The following CAMSAP1 variants were observed in gnomAD, a reference collection of about 807,000 sequenced individuals.
The protein encoded by CAMSAP1 is calmodulin regulated spectrin associated protein 1, also known as calmodulin-regulated spectrin-associated protein 1.
A neutral mutation model predicts 143.5 loss-of-function variants in CAMSAP1; 58 were observed. The observed-to-expected ratio is 0.40, with a 90% CI of 0.33 to 0.50. The LOEUF is 0.50. Among genes scored for constraint, CAMSAP1 ranks in the 20% least tolerant of loss-of-function variants. The pLI, the probability that CAMSAP1 is intolerant of heterozygous loss-of-function variation, is 0.45. For missense variants in CAMSAP1, 1,969 were observed against 2,115.7 expected (o/e 0.93, Z 1.36); for synonymous variants, 945 against 859.3 (o/e 1.10, Z -1.74).
At chr9:135,876,536 G>A (rs1476323113) in intron 3 of CAMSAP1, among the ~76,000 whole-genome samples, 1 of 152,168 alleles carries the variant, frequency 6.6e-6, no homozygotes, top group Non-Finnish European at 1.5e-5. Flanking sequence ...AGAAAAGACG[G>A]ACTGTAACAA....
At chr9:135,825,664 G>A (rs980003519) in intron 8 of CAMSAP1, among the ~76,000 whole-genome samples, 5 of 152,328 alleles carry the variant, frequency 3.3e-5, no homozygotes, top group East Asian at 3.9e-4. Context: ...CCAGCTCCCC[G>A]AGAAACAAGC....
intron 7 of CAMSAP1, among the ~76,000 whole-genome samples, chr9:135,835,469 G>C (rs1370193613): frequency 6.6e-6 from 1 of 152,348 alleles, no homozygotes; most frequent in East Asian, 1.9e-4. Context: ...GGCAAGGCTG[G>C]AGGGGCGGCC....
intron 7 of CAMSAP1, among the ~76,000 whole-genome samples, chr9:135,847,640 G>A (rs1458841204): frequency 1.3e-5 from 2 of 149,844 alleles, no homozygotes; most frequent in African/African-American, 4.9e-5. Flanking sequence ...TTACTCATAA[G>A]TGGGAGTTGA....
At chr9:135,870,456 AGTGTGAAAACAGATTAATACAACACCCT>A (rs1837533610) in intron 3 of CAMSAP1, among the ~76,000 whole-genome samples, 7 of 152,174 alleles carry the variant, frequency 4.6e-5, no homozygotes, top group African/African-American at 1.7e-4. Flanking sequence ...TTCTTTAGGC[AGTGTGAAAACAGATTAATACAACACCCT>A]TATGAATATA....
intron 14 of CAMSAP1, among the ~76,000 whole-genome samples, chr9:135,817,267 G>A (rs927085594): frequency 3.9e-5 from 6 of 152,208 alleles, no homozygotes; most frequent in East Asian, 3.8e-4. Flanking sequence ...ACCGCAAATC[G>A]GATGAAAGTG....
At position 135,811,318 on chromosome 9, in the gene CAMSAP1, A is replaced by C. The variant is rs1473215983; in HGVS notation, c.4800T>G (p.Thr1600=). Residue 1600 remains threonine (T), a synonymous_variant, in exon 17 of 17, where the codon ACT becomes ACG. Transcript: ENST00000389532. The surrounding 1 kb of genome is among the most constrained non-coding windows in gnomAD (Gnocchi z 4.9). ...KRPAVPKKAQ[T]RK ...GCCAGCTGCACCGGGGTCATTTACG[A>C]GTCTGGGCCTTCTTTGGCACTGCAG... 1.2e-6 allele frequency: 2 copies of C among 1,612,438 alleles called. No individual in the cohort carries two copies. The highest frequency in any genetic ancestry group is 1.7e-6 in the Non-Finnish European group (2 of 1,179,110).
chr9:135,886,668 AG>A (rs1243954307), intron 1 of CAMSAP1, among the ~76,000 whole-genome samples: 2 of 152,208 alleles, frequency 1.3e-5, no homozygotes, highest in Non-Finnish European at 2.9e-5. Flanking sequence ...ACATCAAGTA[AG>A]GGGGTCAGAC....
At chr9:135,856,016 C>T (rs1564442885) in intron 5 of CAMSAP1, among the ~76,000 whole-genome samples, 1 of 152,172 alleles carries the variant, frequency 6.6e-6, no homozygotes, top group Admixed American at 6.5e-5. Context: ...CGTACCACTG[C>T]ACTCCAGCAT....
intron 1 of CAMSAP1, among the ~76,000 whole-genome samples, chr9:135,891,866 G>A (rs1010378075): frequency 6.6e-6 from 1 of 152,082 alleles, no homozygotes; most frequent in African/African-American, 2.4e-5. Flanking sequence ...AAACTAGAAC[G>A]AAAATTTCAG....
intron 5 of CAMSAP1, among the ~76,000 whole-genome samples, chr9:135,859,813 T>C (rs1340667229): frequency 1.3e-5 from 2 of 152,112 alleles, no homozygotes; most frequent in Admixed American, 6.6e-5. Context: ...CCTGTATCCT[T>C]AGCAATTCAC....
chr9:135,900,127 C>T (rs1838573670), intron 1 of CAMSAP1, among the ~76,000 whole-genome samples: 1 of 152,060 alleles, frequency 6.6e-6, no homozygotes, highest in African/African-American at 2.4e-5. Context: ...CTGGGCTCAA[C>T]TGATCTTCCC....
At chr9:135,848,201 G>A (rs1282838672) in intron 7 of CAMSAP1, among the ~76,000 whole-genome samples, 1 of 151,944 alleles carries the variant, frequency 6.6e-6, no homozygotes, top group African/African-American at 2.4e-5. Flanking sequence ...CAGAAGAAGA[G>A]TTGGGAAGGA....
intron 11 of CAMSAP1, 149 bp from the exon 12 acceptor site, chr9:135,819,295 GA>G: frequency 8.6e-7 from 1 of 1,158,272 alleles, no homozygotes; most frequent in Non-Finnish European, 1.2e-6. Context: ...TACAGACTCT[GA>G]AATACGAATG....
intron 3 of CAMSAP1, among the ~76,000 whole-genome samples, chr9:135,876,956 C>A (rs1393202039): frequency 6.6e-6 from 1 of 152,070 alleles, no homozygotes; most frequent in African/African-American, 2.4e-5. Flanking sequence ...TTGCAGTGAG[C>A]CGAGACCTTG....
chr9:135,888,928 C>T (rs1227016541), intron 1 of CAMSAP1, among the ~76,000 whole-genome samples: 1 of 152,246 alleles, frequency 6.6e-6, no homozygotes. Context: ...GCACACACCC[C>T]ACAGGGCGCT....
chr9:135,822,139 G>A lies in CAMSAP1; in HGVS notation c.2522C>T (p.Thr841Met), dbSNP rs768843346. Residue 841 changes from threonine (T) to methionine (M), a missense_variant, in exon 11 of 17, where the codon ACG (threonine) becomes ATG (methionine). This residue lies in a region of CAMSAP1 where 1,390 missense variants were observed against 1,420.8 expected (regional missense o/e 0.98). Transcript: ENST00000389532. This position sits in a 1 kb window ranked among gnomAD's most constrained non-coding sequence, Gnocchi z 6.1. ...TGGGCAGCTCTCAGACGCATCTGGCGTGGTCTTCTGGGAGCTGCTGGTGCT... is the reference window on the plus strand; with the variant it reads ...TGGGCAGCTCTCAGACGCATCTGGCATGGTCTTCTGGGAGCTGCTGGTGCT... ...KSSTSSSQKT[T>M]PDASESCPAP... 12 of 1,613,126 alleles carry A rather than the reference G, an allele frequency of 7.4e-6. No individual in the cohort carries two copies. The highest frequency in any genetic ancestry group is 2.2e-5 in the East Asian group (1 of 44,892).
intron 14 of CAMSAP1, among the ~76,000 whole-genome samples, chr9:135,816,673 G>T (rs920157555): frequency 1.3e-5 from 2 of 152,138 alleles, no homozygotes; most frequent in Non-Finnish European, 2.9e-5. Context: ...ACAAAGCCCA[G>T]AGACAACAAG....
At position 135,862,589 on chromosome 9, in the gene CAMSAP1, T is replaced by C; in HGVS notation, c.686A>G (p.His229Arg). 1 of 1,551,742 alleles carries C rather than the reference T, an allele frequency of 6.4e-7. No homozygotes were observed. The highest frequency in any genetic ancestry group is 8.7e-7 in the Non-Finnish European group (1 of 1,147,000). The change falls in exon 5 of 17, where the codon CAC (histidine) becomes CGC (arginine). Residue 229 changes from histidine to arginine, a missense_variant. Transcript: ENST00000389532. The stretch of plus-strand genomic sequence containing the variant: ...GTAGGGTGACTGCCTAGCAGAAAGG[T>C]GCTCTCGTCGATAGCGGACCTGTAG... ...AHQKVRYRRE[H>R]LSARQSPYFP... is the part of the protein sequence containing the mutation.
intron 1 of CAMSAP1, among the ~76,000 whole-genome samples, chr9:135,902,772 A>AAGG (rs59573763): frequency 0.37 from 56,496 of 151,830 alleles, 11,861 homozygotes; most frequent in African/African-American, 0.58. Flanking sequence ...AAGAGAAAAA[A>AAGG]AGGAGGGGAT....
Sources: gnomAD v4.1 joint callset for allele counts (sites outside exome capture counted in the v4.1 genomes callset) on GRCh38, gnomAD v4.1.1 for gene constraint, gnomAD v4.1.1 regional missense constraint, Gnocchi (gnomAD v3.1) non-coding constraint, MANE v1.5 for transcripts, NCBI Gene and HGNC (gene_info 2026-07-23, HGNC 2026-07-21) for gene names.